RPGRIP1: variants seen among roughly 807,000 people sequenced by gnomAD.
RPGRIP1 encodes X-linked retinitis pigmentosa GTPase regulator-interacting protein 1.
RPGRIP1 carries 128 observed loss-of-function variants against 157.9 expected under a neutral mutation model. That is an observed-to-expected ratio of 0.81 (90% confidence interval 0.70 to 0.94). The LOEUF is 0.94. RPGRIP1 is among the 40% of genes least tolerant of loss of function. The probability of loss-of-function intolerance (pLI) is 0.00; values close to 1 mark genes in which losing one functional copy is unlikely to be tolerated. For synonymous variants in RPGRIP1, 554 were observed against 571.6 expected, an observed-to-expected ratio of 0.97 and a Z score of 0.44; for missense variants, 1,486 against 1,545.8, an observed-to-expected ratio of 0.96 and a Z score of 0.65.
At chr14:21,324,554 C>T in intron 14 of RPGRIP1, 64 bp from the exon 15 acceptor site, 1 of 1,336,242 alleles carries the variant, frequency 7.5e-7, no homozygotes, top group Non-Finnish European at 1.1e-6. Context: ...TTTGTCCACC[C>T]TCCTCTACCC....
chr14:21,346,247 A>ATACT (rs112589272), intron 23 of RPGRIP1, among the ~76,000 whole-genome samples: 32,962 of 151,892 alleles, frequency 0.22, 4,620 homozygotes, highest in African/African-American at 0.4. Context: ...AATGTGGGAC[A>ATACT]TACCCAAAAA....
At chr14:21,339,369 C>T (rs772717274) in intron 21 of RPGRIP1, among the ~76,000 whole-genome samples, 22 of 152,016 alleles carry the variant, frequency 1.4e-4, no homozygotes, top group Non-Finnish European at 2.5e-4. Context: ...TGGTTTGAAC[C>T]AAGGAGTCGG....
chr14:21,311,821 CAGAA>C lies in RPGRIP1; in HGVS notation c.931-2_932del. 1 of 1,595,268 alleles carries C rather than the reference CAGAA, an allele frequency of 6.3e-7. No homozygotes were observed. Among genetic ancestry groups the C allele is most frequent in the African/African-American group, 1.3e-5 (1 of 74,094 alleles). On this transcript the variant is annotated splice_acceptor_variant and coding_sequence_variant, in exon 9 of 25. Coordinates refer to ENST00000400017, the MANE Select transcript of RPGRIP1 (RefSeq NM_020366.4). LOFTEE classifies it high-confidence loss of function. ...TCCCAGAGGTACTTTCCTTTTGACC[CAGAA>C]TCAGGGAATCCTGAGTGCAGCCCAT...
At chr14:21,294,069 AAAG>A (rs1426227049) in intron 2 of RPGRIP1, among the ~76,000 whole-genome samples, 8 of 149,812 alleles carry the variant, frequency 5.3e-5, no homozygotes, top group East Asian at 3.9e-4. Flanking sequence ...AAAAAAAAAA[AAAG>A]AAGAAGAAGA....
chr14:21,317,932 C>A (rs932154109), intron 11 of RPGRIP1, 82 bp downstream of exon 11: 10 of 1,155,598 alleles, frequency 8.7e-6, no homozygotes, highest in African/African-American at 3.1e-5. Context: ...GCCATCATTT[C>A]TTTAATCCCC....
chr14:21,347,028 C>A (rs934640080), intron 23 of RPGRIP1, among the ~76,000 whole-genome samples: 4 of 152,002 alleles, frequency 2.6e-5, no homozygotes, highest in African/African-American at 9.7e-5. Flanking sequence ...TGATTTGGTT[C>A]TTTCCTTTCT....
At chr14:21,318,539 G>A (rs570242355) in intron 11 of RPGRIP1, among the ~76,000 whole-genome samples, 3 of 152,226 alleles carry the variant, frequency 2.0e-5, no homozygotes, top group African/African-American at 7.2e-5. Context: ...ACAGTGATGC[G>A]ATCTGGGCTC....
chr14:21,312,108 A>G (rs1389218314), intron 9 of RPGRIP1, 138 bp downstream of exon 9: 2 of 781,162 alleles, frequency 2.6e-6, no homozygotes, highest in East Asian at 2.7e-5. Context: ...CATTTGCTTA[A>G]GATTACACCA....
At chr14:21,342,189 G>C (rs905760188) in intron 21 of RPGRIP1, among the ~76,000 whole-genome samples, 1 of 152,194 alleles carries the variant, frequency 6.6e-6, no homozygotes, top group Admixed American at 6.5e-5. Context: ...TGAATCTCCA[G>C]TATCAGTCAG....
At chr14:21,298,045 A>G (rs1347564478) in intron 3 of RPGRIP1, among the ~76,000 whole-genome samples, 1 of 151,930 alleles carries the variant, frequency 6.6e-6, no homozygotes, top group Non-Finnish European at 1.5e-5. Context: ...AGTTGCAGTC[A>G]CTCATATTAA....
At position 21,343,044 on chromosome 14, in the gene RPGRIP1, G is replaced by A; in HGVS notation, c.3348G>A (p.Glu1116=). 6.2e-7 allele frequency: 1 copy of A among 1,611,664 alleles called. No homozygotes were observed. Among genetic ancestry groups the A allele is most frequent in the Non-Finnish European group, 8.5e-7 (1 of 1,178,576 alleles). The change falls in exon 22 of 25, where the codon GAG becomes GAA. Residue 1116 remains glutamate, a synonymous_variant. Transcript: ENST00000400017. ...MSQKYPKADS[E]KMCIEIVSLA... is the part of the protein sequence containing the mutation. ...AACATTTTCCTTATCAGGATTCAGA[G>A]AAGATGTGCATTGAAATTGTCTCCC...
chr14:21,321,566 C>T, intron 13 of RPGRIP1, 164 bp downstream of exon 13: 1 of 1,357,472 alleles, frequency 7.4e-7, no homozygotes. Flanking sequence ...TGAGGACTCA[C>T]ACATGCCCAC....
intron 21 of RPGRIP1, among the ~76,000 whole-genome samples, chr14:21,341,887 A>G (rs1174954548): frequency 1.3e-5 from 2 of 151,970 alleles, no homozygotes; most frequent in Admixed American, 6.6e-5. Context: ...CGTCTCTACT[A>G]AAAATACAAA....
At chr14:21,329,385 C>G (rs1482208104) in intron 19 of RPGRIP1, among the ~76,000 whole-genome samples, 4 of 151,942 alleles carry the variant, frequency 2.6e-5, no homozygotes, top group Non-Finnish European at 2.9e-5. Context: ...TCCACAAACA[C>G]AAGTAGTTTA....
intron 21 of RPGRIP1, among the ~76,000 whole-genome samples, chr14:21,338,430 A>G (rs1734647698): frequency 6.6e-6 from 1 of 152,218 alleles, no homozygotes; most frequent in Non-Finnish European, 1.5e-5. Flanking sequence ...TAGGTGGCAC[A>G]TCTGAGCTAA....
chr14:21,309,074 C>G (rs78601650), intron 7 of RPGRIP1, among the ~76,000 whole-genome samples: 11 of 152,136 alleles, frequency 7.2e-5, no homozygotes, highest in Admixed American at 2.6e-4. Flanking sequence ...GTTGCCTTCC[C>G]GGCTGTAAGA....
intron 2 of RPGRIP1, among the ~76,000 whole-genome samples, chr14:21,288,637 C>G (rs1437659500): frequency 2.6e-5 from 4 of 151,734 alleles, no homozygotes; most frequent in Non-Finnish European, 5.9e-5. Context: ...ACCTCAGACT[C>G]CTGAGTAGCT....
chr14:21,283,881 T>A (rs1297447131), intron 1 of RPGRIP1, among the ~76,000 whole-genome samples: 1 of 152,152 alleles, frequency 6.6e-6, no homozygotes, highest in African/African-American at 2.4e-5. Context: ...TCCATCCGCC[T>A]CAGCCTCCCA....
intron 20 of RPGRIP1, among the ~76,000 whole-genome samples, chr14:21,332,182 A>G (rs1301166834): frequency 6.6e-6 from 1 of 151,998 alleles, no homozygotes; most frequent in Non-Finnish European, 1.5e-5. Flanking sequence ...CAAGTGATCC[A>G]CCTGCCTCAG....
Sources: gnomAD v4.1 joint callset for allele counts (sites outside exome capture counted in the v4.1 genomes callset) on GRCh38, gnomAD v4.1.1 for gene constraint, MANE v1.5 for transcripts, NCBI Gene and HGNC (gene_info 2026-07-23, HGNC 2026-07-21) for gene names.